The following SPAG11A variants were observed in gnomAD, a reference collection of about 807,000 sequenced individuals.
SPAG11A encodes the protein sperm associated antigen 11A.
In SPAG11A, 2 loss-of-function variants were observed where a neutral mutation model predicts 5.5. That is an observed-to-expected ratio of 0.37 (90% CI 0.15 to 1.15). SPAG11A has a LOEUF of 1.15. Among genes scored for constraint, SPAG11A ranks in the 50% most tolerant of loss-of-function variants. SPAG11A has a pLI of 0.38. For synonymous variants in SPAG11A, 11 were observed against 42.7 expected (o/e 0.26, Z 2.90); for missense variants, 24 against 122.5 (o/e 0.20, Z 3.80).
At chr8:7,848,551 CG>C in intron 1 of SPAG11A, 139 bp from the exon 2 acceptor site, 2 of 1,454,958 alleles carry the variant, frequency 1.4e-6, no homozygotes, top group Middle Eastern at 2.3e-4. Context: ...TGCACACACA[CG>C]GAACACTAGC....
downstream of SPAG11A, among the ~76,000 whole-genome samples, chr8:7,863,212 G>GTTTTTTTTTT (rs1264249027): frequency 1.1e-4 from 1 of 9,410 alleles, no homozygotes; most frequent in African/African-American, 1.6e-4. Flanking sequence ...CTGCAGATGG[G>GTTTTTTTTTT]ATTTTTTTTT....
intron 2 of SPAG11A, among the ~76,000 whole-genome samples, chr8:7,852,851 C>CTT (rs1817988963): frequency 3.5e-5 from 1 of 28,238 alleles, no homozygotes; most frequent in African/African-American, 6.2e-5. Context: ...CTGTAGAGCC[C>CTT]TTCTATTTTT....
intron 2 of SPAG11A, among the ~76,000 whole-genome samples, chr8:7,856,662 A>ATTTTTT (rs1818040092): frequency 1.2e-5 from 1 of 81,270 alleles, no homozygotes. Context: ...CTACTATCAA[A>ATTTTTT]TGTTTGCAAA....
chr8:7,860,708 T>A lies in SPAG11A; in HGVS notation c.277T>A (p.Phe93Ile). ...TATGCAGCAAGGGATCTGCAGACTT[T>A]TTTTCTGCCATTCTGGTGAGAAAAA... The change falls in exon 3 of 3, where the codon TTT (phenylalanine) becomes ATT (isoleucine). Residue 93 changes from phenylalanine (F) to isoleucine (I), a missense_variant. This residue lies in a region of SPAG11A where 18 missense variants were observed against 26.3 expected (regional missense o/e 0.68). Coordinates refer to ENST00000642566, the Ensembl canonical transcript of SPAG11A. 2.0e-6 allele frequency: 3 copies of A among 1,514,052 alleles called. 1 individual carries two copies. The African/African-American group carries it at 4.2e-5, about 21-fold the overall frequency. 93.8% of individuals were successfully genotyped at this position (1,514,052 alleles called of 1,614,324 possible).
intron 2 of SPAG11A, among the ~76,000 whole-genome samples, chr8:7,852,407 G>A (rs1231314437): frequency 5.3e-5 from 8 of 152,160 alleles, no homozygotes; most frequent in African/African-American, 1.2e-4. Flanking sequence ...TCCACCTCCC[G>A]GGTTCAAGCG....
intron 2 of SPAG11A, among the ~76,000 whole-genome samples, chr8:7,859,554 A>C (rs1818123311): frequency 1.2e-4 from 1 of 8,350 alleles, no homozygotes; most frequent in African/African-American, 1.5e-4. Flanking sequence ...AAGTTTTCAG[A>C]AGGAAGTTAT....
intron 2 of SPAG11A, among the ~76,000 whole-genome samples, chr8:7,852,839 A>ATCGGTTTCTCTT (rs754652205): frequency 1.5e-5 from 1 of 65,334 alleles, no homozygotes; most frequent in Non-Finnish European, 3.9e-5. Flanking sequence ...TTATTTTTAT[A>ATCGGTTTCTCTT]TCTGTAGAGC....
chr8:7,861,110 G>C (rs988333361), downstream of SPAG11A: 42 of 332,944 alleles, frequency 1.3e-4, 1 homozygote, highest in Non-Finnish European at 1.7e-4. Context: ...GCTCCAAACT[G>C]ATTTTCAGAG....
intron 2 of SPAG11A, among the ~76,000 whole-genome samples, chr8:7,852,406 C>T (rs1221774573): frequency 2.8e-4 from 42 of 152,286 alleles, no homozygotes; most frequent in African/African-American, 6.7e-4. Context: ...CTCCACCTCC[C>T]GGGTTCAAGC....
rs561092873 is a variant in SPAG11A, at chr8:7,858,522, T to C, written c.215-2124T>C. Reference sequence around the variant, plus strand: ...TCCAAAGTAGACAATATCCTGGCTCTTCATAAATAGGTGAATTTTGCCAAA... The same window carrying C: ...TCCAAAGTAGACAATATCCTGGCTCCTCATAAATAGGTGAATTTTGCCAAA... On this transcript the variant is annotated intron_variant, in intron 2 of 2. Transcript: ENST00000642566. Among the ~76,000 whole-genome samples the C allele has an allele frequency of 7.2e-3, 667 of 92,678 alleles. 32 individuals carry two copies. Among genetic ancestry groups the C allele is most frequent in the African/African-American group, 0.019 (639 of 33,960 alleles). The allele number at this position is 92,678 out of a possible 152,430, so 60.8% of individuals were successfully genotyped here.
chr8:7,860,147 A>C lies in SPAG11A; in HGVS notation c.215-499A>C, dbSNP rs1233772007. On this transcript the variant is annotated intron_variant, in intron 2 of 2. Transcript: ENST00000642566. ...CAATGTCCTGTTGTTATAAAAATTT[A>C]GGTGGTCATTTGTGACTTACAAGCC... Among the ~76,000 whole-genome samples the C allele has an allele frequency of 2.2e-4, 33 of 148,432 alleles. No homozygotes were observed. The East Asian group carries it at 7.3e-3, about 33-fold the overall frequency.
downstream of SPAG11A, among the ~76,000 whole-genome samples, chr8:7,861,699 T>C (rs549979414): frequency 1.5e-3 from 195 of 130,586 alleles, 2 homozygotes; most frequent in African/African-American, 4.8e-3. Context: ...AGAGACCACA[T>C]GCCAAGCTTT....
intron 2 of SPAG11A, among the ~76,000 whole-genome samples, chr8:7,852,363 GA>G (rs1243824218): frequency 1.3e-5 from 2 of 152,194 alleles, no homozygotes; most frequent in Admixed American, 6.5e-5. Flanking sequence ...GCCCAGGCTG[GA>G]GTGCAATGGT....
chr8:7,863,683 C>A, downstream of SPAG11A: 1 of 1,404,402 alleles, frequency 7.1e-7, no homozygotes, highest in Non-Finnish European at 1.0e-6. Context: ...TCTGACTAAG[C>A]CTGGACTGCC....
At chr8:7,862,080 C>T (rs1818235351), downstream of SPAG11A, among the ~76,000 whole-genome samples, 1 of 109,406 alleles carries the variant, frequency 9.1e-6, no homozygotes, top group Non-Finnish European at 2.1e-5. Flanking sequence ...GGGCATTGGC[C>T]CCTATTAGCC....
intron 2 of SPAG11A, among the ~76,000 whole-genome samples, chr8:7,852,120 AT>A (rs1363288668): frequency 6.9e-6 from 1 of 145,820 alleles, no homozygotes; most frequent in Non-Finnish European, 1.5e-5. Flanking sequence ...GAAAGAACCG[AT>A]CTGTGTGTTG....
chr8:7,863,760 T>C (rs1818287684), downstream of SPAG11A: 3 of 610,150 alleles, frequency 4.9e-6, no homozygotes, highest in Non-Finnish European at 8.9e-6. Context: ...TGATCCTCAG[T>C]GCGAGGACAA....
At chr8:7,860,936 G>T, downstream of SPAG11A, 1 of 942,104 alleles carries the variant, frequency 1.1e-6, no homozygotes, top group Non-Finnish European at 1.4e-6. Flanking sequence ...AATGAATTTA[G>T]CACCAAAGGT....
chr8:7,860,479 T>G (rs1302172840), intron 2 of SPAG11A, 167 bp from the exon 3 acceptor site: 26 of 1,400,288 alleles, frequency 1.9e-5, no homozygotes, highest in Non-Finnish European at 2.3e-5. Context: ...AGATATAAAT[T>G]ATCGTTCCTG....
Sources: allele counts gnomAD v4.1 joint callset (sites outside exome capture counted in the v4.1 genomes callset), GRCh38; gene constraint gnomAD v4.1.1; regional missense constraint gnomAD v4.1.1; transcripts MANE v1.5; gene names NCBI Gene and HGNC (gene_info 2026-07-23, HGNC 2026-07-21).